LYVE1: variants seen among roughly 807,000 people sequenced by gnomAD.
LYVE1 encodes the protein lymphatic vessel endothelial hyaluronan receptor 1.
Under a neutral mutation model 31.5 loss-of-function variants are expected in LYVE1, and 29 were observed. The observed-to-expected ratio is 0.92, with a 90% CI of 0.69 to 1.26. The LOEUF (loss-of-function observed/expected upper bound fraction) is 1.26. Ranked by LOEUF, LYVE1 falls within the 50% of genes most tolerant of loss-of-function variation. The pLI, the probability that LYVE1 is intolerant of heterozygous loss-of-function variation, is 0.00. For synonymous variants in LYVE1, 134 were observed against 139.4 expected, an observed-to-expected ratio of 0.96 and a Z score of 0.27; for missense variants, 376 against 380.2, an observed-to-expected ratio of 0.99 and a Z score of 0.09.
In LYVE1 at chr11:10,563,940, C is replaced by A; in HGVS notation, c.397G>T (p.Asp133Tyr). 1 of 1,614,090 alleles carries A rather than the reference C, an allele frequency of 6.2e-7. No individual in the cohort carries two copies. The highest frequency in any genetic ancestry group is 2.2e-5 in the East Asian group (1 of 44,876). ...QFAAYCYNSSDTWTNSCIPEI... is the reference protein window; with the variant it reads ...QFAAYCYNSSYTWTNSCIPEI... ...TGGAAAGGTTGCAGATCAGACTCACCAGATGAGTTGTAACAATAGGCTGCA... is the reference window on the plus strand; with the variant it reads ...TGGAAAGGTTGCAGATCAGACTCACAAGATGAGTTGTAACAATAGGCTGCA... The change falls in exon 3 of 6, where the codon GAT becomes TAT. Residue 133 changes from aspartate to tyrosine, a missense_variant and splice_region_variant. By Grantham distance (160) the Asp-to-Tyr change is radical. Transcript: ENST00000256178.
rs932193027 is a variant in LYVE1 at position 10,557,361 on chromosome 11, T to C, written c.*1750A>G. 1.1e-4 allele frequency: 17 copies of C among 152,338 alleles called. No homozygotes were observed. Among genetic ancestry groups the C allele is most frequent in the African/African-American group, 3.6e-4 (15 of 41,580 alleles). 9.4% of individuals were successfully genotyped at this position (152,338 alleles called of 1,614,324 possible). ...TAGAGGGAACCCAGAAATGTAACCA[T>C]GTGAAATCTCTTGATTTTTAATGCC... On this transcript the variant is annotated 3_prime_UTR_variant, in exon 6 of 6. Transcript: ENST00000256178.
chr11:10,559,330 ACT>A lies in LYVE1; in HGVS notation c.783-35_783-34del, dbSNP rs757619482. On this transcript the variant is annotated intron_variant, in intron 5 of 5. Transcript: ENST00000256178. Reference sequence around the variant, plus strand: ...CAGAAACATGAAATTAAAGTGAGAGACTCTCACACATAACGATAGATAACACT... The same window carrying A: ...CAGAAACATGAAATTAAAGTGAGAGACTCACACATAACGATAGATAACACT... The A allele has an allele frequency of 1.9e-4, 298 of 1,555,534 alleles. 6 individuals are homozygous for A. In the South Asian group the frequency reaches 3.2e-3, roughly 17 times the overall value.
At chr11:10,567,151 T>C (rs1333835151) in intron 1 of LYVE1, among the ~76,000 whole-genome samples, 1 of 152,206 alleles carries the variant, frequency 6.6e-6, no homozygotes, top group Non-Finnish European at 1.5e-5. Flanking sequence ...AACTGTCTTT[T>C]TGAGAGGATT....
chr11:10,567,074 G>C (rs1450325020), intron 1 of LYVE1, among the ~76,000 whole-genome samples: 2 of 152,160 alleles, frequency 1.3e-5, no homozygotes, highest in Non-Finnish European at 2.9e-5. Flanking sequence ...ATCAGATAGG[G>C]CTGAATTCAA....
rs1248086821 is a variant in LYVE1 at position 10,559,878 on chromosome 11, C to T, written c.720G>A (p.Leu240=). The change falls in exon 5 of 6, where the codon CTG becomes CTA. Residue 240 remains leucine, a synonymous_variant. Coordinates refer to ENST00000256178, the MANE Select transcript of LYVE1 (RefSeq NM_006691.4). The part of the protein sequence containing the change: ...AAGFGGVPTA[L]LVLALLFFGA... ...CAAAGAAGAGGAGAGCAAGCACTAG[C>T]AGAGCCGTGGGGACACCTGCAAGGA... is the stretch of plus-strand genomic sequence containing the variant. The T allele has an allele frequency of 6.2e-7, 1 of 1,613,864 alleles. No homozygotes were observed. Among genetic ancestry groups the T allele is most frequent in the Non-Finnish European group, 8.5e-7 (1 of 1,179,798 alleles).
rs529181619 is a variant in LYVE1 at position 10,559,029 on chromosome 11, C to G, written c.*82G>C. On this transcript the variant is annotated 3_prime_UTR_variant, in exon 6 of 6. Transcript: ENST00000256178. ...TGGACTTTCTTCTTTGGTTCTTTGG[C>G]CCTTTTGATTTCCCCAGCTGGGGCA... is the stretch of plus-strand genomic sequence containing the variant. 70 of 1,315,502 alleles carry G rather than the reference C, an allele frequency of 5.3e-5. No individual in the cohort carries two copies. In the South Asian group the frequency reaches 8.8e-4, roughly 17 times the overall value. 81.5% of individuals were successfully genotyped at this position (1,315,502 alleles called of 1,614,324 possible). A position where few individuals can be genotyped will look rare whatever the true frequency, so the allele number is the denominator to read the frequency against.
chr11:10,560,107 T>C (rs756602778), intron 4 of LYVE1, among the ~76,000 whole-genome samples: 134 of 152,320 alleles, frequency 8.8e-4, no homozygotes, highest in Middle Eastern at 3.4e-3. Flanking sequence ...TCAGTTGCAA[T>C]ATGACAGAGT....
Position 10,557,380 on chromosome 11 carries a change from T to C in LYVE1, c.*1731A>G, listed in dbSNP as rs911628566. The C allele has an allele frequency of 2.0e-5, 3 of 152,350 alleles. No individual in the cohort carries two copies. Among genetic ancestry groups the C allele is most frequent in the African/African-American group, 7.2e-5 (3 of 41,588 alleles). 9.4% of individuals were successfully genotyped at this position (152,350 alleles called of 1,614,324 possible). A position where few individuals can be genotyped will look rare whatever the true frequency, so the allele number is the denominator to read the frequency against. On this transcript the variant is annotated 3_prime_UTR_variant, in exon 6 of 6. Coordinates refer to ENST00000256178, the MANE Select transcript of LYVE1 (RefSeq NM_006691.4). Reference sequence around the variant, plus strand: ...TAACCATGTGAAATCTCTTGATTTTTAATGCCTGGAAATGAAATCAAATTT... The same window carrying C: ...TAACCATGTGAAATCTCTTGATTTTCAATGCCTGGAAATGAAATCAAATTT...
intron 1 of LYVE1, 39 bp from the exon 2 acceptor site, chr11:10,564,413 C>G (rs1461763953): frequency 6.3e-7 from 1 of 1,591,214 alleles, no homozygotes. Context: ...TTGCTGCTGT[C>G]CTTGTTTCCA....
intron 5 of LYVE1, 73 bp downstream of exon 5, chr11:10,559,743 C>A: frequency 7.3e-7 from 1 of 1,368,614 alleles, no homozygotes; most frequent in South Asian, 1.2e-5. Context: ...AAAATGCCAA[C>A]AGTGACCCTG....
rs1313711248 is a variant in LYVE1 at position 10,559,094 on chromosome 11, C to T, written c.*17G>A. On this transcript the variant is annotated 3_prime_UTR_variant, in exon 6 of 6. Coordinates refer to ENST00000256178, the MANE Select transcript of LYVE1 (RefSeq NM_006691.4). ...AAAGAAACCAGCCTCAGGTGTGTCT[C>T]CTCATTTCTGTCTCATCTAAACTTC... 1 of 1,611,560 alleles carries T rather than the reference C, an allele frequency of 6.2e-7. No homozygotes were observed. The highest frequency in any genetic ancestry group is 8.5e-7 in the Non-Finnish European group (1 of 1,178,872).
chr11:10,559,972 T>C (rs1260778048), intron 4 of LYVE1, 78 bp from the exon 5 acceptor site: 1 of 1,059,842 alleles, frequency 9.4e-7, no homozygotes, highest in Admixed American at 1.7e-5. Context: ...ATCCAGGTGA[T>C]TGAGACAGTA....
At position 10,558,374 on chromosome 11, in the gene LYVE1, T is replaced by A. The variant is rs1356951392; in HGVS notation, c.*737A>T. On this transcript the variant is annotated 3_prime_UTR_variant, in exon 6 of 6. Coordinates refer to ENST00000256178, the MANE Select transcript of LYVE1 (RefSeq NM_006691.4). ...ATTTTTGTTACTTGTAAAAGTATAT[T>A]TCCTAGAGAAAATATCAGCAGTGGT... The A allele has an allele frequency of 6.6e-6, 1 of 152,252 alleles. No homozygotes were observed. The highest frequency in any genetic ancestry group is 1.5e-5 in the Non-Finnish European group (1 of 68,050). 9.4% of individuals were successfully genotyped at this position (152,252 alleles called of 1,614,324 possible).
In LYVE1 at chr11:10,564,062, T is replaced by C; in HGVS notation, c.275A>G (p.Asp92Gly). ...AATCCTAGAGATGACCACGAATCCATCTCCAACCCAGCCATAGCTGTAAAA... is the reference window on the plus strand; with the variant it reads ...AATCCTAGAGATGACCACGAATCCACCTCCAACCCAGCCATAGCTGTAAAA... ...FETCSYGWVG[D>G]GFVVISRISP... The change falls in exon 3 of 6, where the codon GAT (aspartate) becomes GGT (glycine). Residue 92 changes from aspartate to glycine, a missense_variant. Coordinates refer to ENST00000256178, the MANE Select transcript of LYVE1 (RefSeq NM_006691.4). The C allele has an allele frequency of 1.2e-6, 2 of 1,614,084 alleles. No individual in the cohort carries two copies. The highest frequency in any genetic ancestry group is 1.7e-6 in the Non-Finnish European group (2 of 1,180,032).
intron 3 of LYVE1, among the ~76,000 whole-genome samples, chr11:10,562,946 C>CTTTTTTTTTTTTTTT (rs71034774): frequency 2.5e-5 from 2 of 79,456 alleles, no homozygotes; most frequent in African/African-American, 4.7e-5. Flanking sequence ...AACTCGGTTT[C>CTTTTTTTTTTTTTTT]TTTTTTTTTT....
At chr11:10,564,438 C>A in intron 1 of LYVE1, 64 bp from the exon 2 acceptor site, 1 of 1,496,496 alleles carries the variant, frequency 6.7e-7, no homozygotes, top group African/African-American at 1.4e-5. Flanking sequence ...TTAGACTCTC[C>A]TTCCCAGCAG....
At position 10,559,166 on chromosome 11, in the gene LYVE1, T is replaced by A; in HGVS notation, c.914A>T (p.Glu305Val). The A allele has an allele frequency of 6.2e-7, 1 of 1,614,210 alleles. No individual in the cohort carries two copies. The highest frequency in any genetic ancestry group is 8.5e-7 in the Non-Finnish European group (1 of 1,180,028). ...EESKKTDKNP[E>V]ESKSPSKTTV... ...AGTTTTGCTTGGACTCTTGGACTCT[T>A]CTGGGTTTTTATCAGTTTTCTTTGA... Residue 305 changes from glutamate to valine, a missense_variant, in exon 6 of 6, where the codon GAA (glutamate) becomes GTA (valine). Glu to Val is a moderately radical substitution (Grantham distance 121). Transcript: ENST00000256178.
At position 10,568,513 on chromosome 11, in the gene LYVE1, A is replaced by C; in HGVS notation, c.20T>G (p.Leu7Arg). ...CCAGATGGAAGTGAGAAGCAACACC[A>C]GGCTGAAGCACCTGGCCATCGTGCC... Reference protein sequence around the residue: MARCFSLVLLLTSIWTT... With the variant: MARCFSRVLLLTSIWTT... Residue 7 changes from leucine (L) to arginine (R), a missense_variant, in exon 1 of 6, where the codon CTG becomes CGG. Coordinates refer to ENST00000256178, the MANE Select transcript of LYVE1 (RefSeq NM_006691.4). 1 of 1,613,984 alleles carries C rather than the reference A, an allele frequency of 6.2e-7. No homozygotes were observed.
At position 10,557,742 on chromosome 11, in the gene LYVE1, C is replaced by A. The variant is rs530397711; in HGVS notation, c.*1369G>T. On this transcript the variant is annotated 3_prime_UTR_variant, in exon 6 of 6. Transcript: ENST00000256178. The stretch of plus-strand genomic sequence containing the variant: ...CATATGATATATGCTGTTTGGTTGA[C>A]ATATGCTTGTATTTTAACAACCAAC... 1 of 152,304 alleles carries A rather than the reference C, an allele frequency of 6.6e-6. No individual in the cohort carries two copies. Among genetic ancestry groups the A allele is most frequent in the Non-Finnish European group, 1.5e-5 (1 of 68,018 alleles). The allele number at this position is 152,304 out of a possible 1,614,324, so 9.4% of individuals were successfully genotyped here. A position where few individuals can be genotyped will look rare whatever the true frequency, so the allele number is the denominator to read the frequency against.
Sources: gnomAD v4.1 joint callset for allele counts (sites outside exome capture counted in the v4.1 genomes callset) on GRCh38, gnomAD v4.1.1 for gene constraint, MANE v1.5 for transcripts, NCBI Gene and HGNC (gene_info 2026-07-23, HGNC 2026-07-21) for gene names.